Variants in PER2 observed in about 807,000 individuals in gnomAD.
The protein encoded by PER2 is period circadian protein homolog 2.
In PER2, 66 loss-of-function variants were observed where a neutral mutation model predicts 121.0. That is an observed-to-expected ratio of 0.55 (90% CI 0.45 to 0.67). The LOEUF is 0.67. PER2 is among the 30% of genes least tolerant of loss of function. PER2 has a pLI of 0.00. For missense variants in PER2, 1,521 were observed against 1,635.0 expected, an observed-to-expected ratio of 0.93 and a Z score of 1.20; for synonymous variants, 684 against 659.9, an observed-to-expected ratio of 1.04 and a Z score of -0.56.
intron 1 of PER2, among the ~76,000 whole-genome samples, chr2:238,278,554 GC>G (rs1696530974): frequency 6.6e-6 from 1 of 152,172 alleles, no homozygotes; most frequent in African/African-American, 2.4e-5. Context: ...TCAACACCCG[GC>G]CTGTGGGGTG....
At chr2:238,295,867 A>G in the PER2 span, 1 of 200,180 alleles carries the variant, frequency 5.0e-6, no homozygotes, top group South Asian at 6.8e-5. Flanking sequence ...ACAGAGGAAA[A>G]ACGGGCTCCC....
rs1418792123 is a variant in PER2 at position 238,288,508 on chromosome 2, CGAG to C, written c.-182_-180del. On this transcript the variant is annotated 5_prime_UTR_variant, in exon 1 of 23. Transcript: ENST00000254657. ...CCCCCACGCCGGCGCCGTTTCAAGC[CGAG>C]GAGTCCAGCAGCCCAAGGAACTTCC... 1 of 152,184 alleles carries C rather than the reference CGAG, an allele frequency of 6.6e-6. No homozygotes were observed. Among genetic ancestry groups the C allele is most frequent in the Non-Finnish European group, 1.5e-5 (1 of 68,040 alleles). The allele number at this position is 152,184 out of a possible 1,614,324, so 9.4% of individuals were successfully genotyped here.
intron 22 of PER2, 182 bp downstream of exon 22, chr2:238,248,880 C>T (rs183395582): frequency 3.8e-5 from 27 of 701,852 alleles, no homozygotes; most frequent in Admixed American, 1.6e-4. Context: ...TGGTCTCGAT[C>T]TCCTGACCTC....
rs1330427997 is a variant in PER2 at position 238,277,785 on chromosome 2, C to T, written c.152G>A (p.Arg51Gln). 3.7e-6 allele frequency: 6 copies of T among 1,614,222 alleles called. No homozygotes were observed. Among genetic ancestry groups the T allele is most frequent in the Admixed American group, 1.7e-5 (1 of 60,026 alleles). ...GTCACAGTCACTGCCCTGCGAGTCC[C>T]GCCCCGTGGAGCAGTTTTCGTTGGT... ...HETNENCSTG[R>Q]DSQGSDCDDS... Residue 51 changes from arginine (R) to glutamine (Q), a missense_variant, in exon 2 of 23, where the codon CGG becomes CAG. Coordinates refer to ENST00000254657, the MANE Select transcript of PER2 (RefSeq NM_022817.3).
chr2:238,273,814 C>T (rs1443608605), intron 4 of PER2, among the ~76,000 whole-genome samples: 4 of 152,152 alleles, frequency 2.6e-5, no homozygotes, highest in South Asian at 2.1e-4. Flanking sequence ...ACTACAGGCA[C>T]GTGCCACCAC....
upstream of PER2, chr2:238,289,888 C>T (rs1204206161): frequency 2.0e-5 from 3 of 152,276 alleles, no homozygotes; most frequent in Non-Finnish European, 2.9e-5. Context: ...GGGTAGAAGC[C>T]TGAGACTTAC....
At chr2:238,260,318 G>A (rs917313852) in intron 13 of PER2, among the ~76,000 whole-genome samples, 13 of 151,358 alleles carry the variant, frequency 8.6e-5, no homozygotes, top group African/African-American at 3.2e-4. Flanking sequence ...GTGCAGTGGC[G>A]CAATCTTGTC....
Position 238,253,671 on chromosome 2 carries a change from T to C in PER2, c.2352A>G (p.Ile784Met), listed in dbSNP as rs763347228. ...TTCCTGTTTTTTTCCAAGGTGAATC[T>C]ATTCCGGAAGTATTTCTTAGTCCAG... is the stretch of plus-strand genomic sequence containing the variant. ...TAPGLRNTSG[I>M]DSPWKKTGKN... is the part of the protein sequence containing the mutation. The change falls in exon 19 of 23, where the codon ATA (isoleucine) becomes ATG (methionine). Residue 784 changes from isoleucine (I) to methionine (M), a missense_variant. Physicochemically the swap from Ile to Met is conservative, Grantham distance 10. Coordinates refer to ENST00000254657, the MANE Select transcript of PER2 (RefSeq NM_022817.3). The surrounding 1 kb of genome is among the most constrained non-coding windows in gnomAD (Gnocchi z 5.6). 9.3e-5 allele frequency: 149 copies of C among 1,608,478 alleles called. No homozygotes were observed. The East Asian group carries it at 3.3e-3, about 35-fold the overall frequency.
At chr2:238,249,324 T>C in intron 21 of PER2, 112 bp from the exon 22 acceptor site, 1 of 1,155,914 alleles carries the variant, frequency 8.7e-7, no homozygotes, top group Non-Finnish European at 1.2e-6. Context: ...AAATTTCCTT[T>C]TCTTTAAAAA....
upstream of PER2, chr2:238,288,616 C>T (rs1054989704): frequency 8.6e-5 from 13 of 150,956 alleles, no homozygotes; most frequent in Admixed American, 2.6e-4. Flanking sequence ...TTACGTAAGC[C>T]GCAGCGGGGC....
intron 16 of PER2, among the ~76,000 whole-genome samples, chr2:238,257,773 C>A (rs765927010): frequency 6.6e-6 from 1 of 152,212 alleles, no homozygotes; most frequent in Non-Finnish European, 1.5e-5. Flanking sequence ...CGCGCCCAGC[C>A]GGGGTACCAT....
At chr2:238,298,077 G>A in the PER2 span, among the ~76,000 whole-genome samples, 2 of 141,100 alleles carry the variant, frequency 1.4e-5, no homozygotes, top group Non-Finnish European at 3.0e-5. Flanking sequence ...CTGTCCCCCA[G>A]GCTCTAGAGT....
the PER2 span, among the ~76,000 whole-genome samples, chr2:238,297,598 C>T: frequency 5.3e-5 from 8 of 152,202 alleles, no homozygotes; most frequent in African/African-American, 1.7e-4. Context: ...GACCCTGTTC[C>T]CCGAGCTCCC....
rs191916027 is a variant in PER2 at position 238,254,158 on chromosome 2, G to A, written c.2321-456C>T. 6.2e-4 allele frequency: 128 copies of A among 206,732 alleles called. 1 individual carries two copies. The highest frequency in any genetic ancestry group is 2.9e-3 in the African/African-American group (124 of 42,206). 12.8% of individuals were successfully genotyped at this position (206,732 alleles called of 1,614,324 possible). ...CACTGTCACTACTGTTCCTTAAAGAGGGATGTTTCCTCTTTCACCTGTCAA... is the reference window on the plus strand; with the variant it reads ...CACTGTCACTACTGTTCCTTAAAGAAGGATGTTTCCTCTTTCACCTGTCAA... On this transcript the variant is annotated intron_variant, in intron 18 of 22. Coordinates refer to ENST00000254657, the MANE Select transcript of PER2 (RefSeq NM_022817.3).
In PER2 at chr2:238,258,626, G is replaced by T. The variant is rs1368048008; in HGVS notation, c.1646C>A (p.Pro549Gln). The T allele has an allele frequency of 6.2e-7, 1 of 1,613,996 alleles. No homozygotes were observed. The highest frequency in any genetic ancestry group is 8.5e-7 in the Non-Finnish European group (1 of 1,179,940). The change falls in exon 15 of 23, where the codon CCA becomes CAA. Residue 549 changes from proline (P) to glutamine (Q), a missense_variant. Physicochemically the swap from Pro to Gln is moderately conservative, Grantham distance 76. Transcript: ENST00000254657. ...KSVTEMQTNP[P>Q]AEKKAVPAME... Reference sequence around the variant, plus strand: ...GGCAGGGACAGCTTTCTTCTCAGCTGGGGGATTAGTTTGCATTTCTGAAGG... The same window carrying T: ...GGCAGGGACAGCTTTCTTCTCAGCTTGGGGATTAGTTTGCATTTCTGAAGG...
rs1238234180 is a variant in PER2 at position 238,278,090 on chromosome 2, C to CTCTG, written c.-19-136_-19-135insCAGA. ...GTCTCTTTCTTTCTTCTCTCTGTCT[C>CTCTG]TCTCTCTCTCTCTTTCTTTCTTTCT... On this transcript the variant is annotated intron_variant, in intron 1 of 22. Transcript: ENST00000254657. The CTCTG allele has an allele frequency of 1.5e-4, 138 of 948,122 alleles. No individual in the cohort carries two copies. In the African/African-American group the frequency reaches 1.5e-3, roughly 10 times the overall value. The allele number at this position is 948,122 out of a possible 1,614,324, so 58.7% of individuals were successfully genotyped here.
At chr2:238,282,755 A>G (rs1203270396) in intron 1 of PER2, among the ~76,000 whole-genome samples, 4 of 151,888 alleles carry the variant, frequency 2.6e-5, no homozygotes, top group Admixed American at 2.6e-4. Context: ...CATTAGGGGG[A>G]AACAGACAAT....
upstream of PER2, among the ~76,000 whole-genome samples, chr2:238,291,598 G>GT (rs1696950928): frequency 6.6e-6 from 1 of 152,232 alleles, no homozygotes; most frequent in Non-Finnish European, 1.5e-5. Flanking sequence ...AGGGGACACT[G>GT]TCAAGCTTTC....
chr2:238,276,393 A>G (rs1204161203), intron 3 of PER2, among the ~76,000 whole-genome samples: 1 of 152,228 alleles, frequency 6.6e-6, no homozygotes, highest in African/African-American at 2.4e-5. Context: ...AGTCCCTCCA[A>G]CTGTGTTCTT....
Sources: gnomAD v4.1 joint callset for allele counts (sites outside exome capture counted in the v4.1 genomes callset) on GRCh38, gnomAD v4.1.1 for gene constraint, Gnocchi (gnomAD v3.1) non-coding constraint, MANE v1.5 for transcripts, NCBI Gene and HGNC (gene_info 2026-07-23, HGNC 2026-07-21) for gene names.